Variants in PSMD11 observed in about 807,000 individuals in gnomAD.
PSMD11 encodes proteasome 26S subunit, non-ATPase 11.
A neutral mutation model predicts 62.3 loss-of-function variants in PSMD11; 5 were observed. The observed-to-expected ratio is 0.08, with a 90% confidence interval of 0.04 to 0.17. The LOEUF (loss-of-function observed/expected upper bound fraction) is 0.17, where lower values mean the gene tolerates loss of function less well. Among genes scored for constraint, PSMD11 ranks in the 10% least tolerant of loss-of-function variants. The pLI, the probability that PSMD11 is intolerant of heterozygous loss-of-function variation, is 1.00. For synonymous variants in PSMD11, 191 were observed against 191.8 expected (o/e 1.00, Z 0.03); for missense variants, 310 against 512.9 (o/e 0.60, Z 3.82).
intron 2 of PSMD11, among the ~76,000 whole-genome samples, chr17:32,451,253 G>T (rs769982382): frequency 6.6e-6 from 1 of 152,172 alleles, no homozygotes; most frequent in Non-Finnish European, 1.5e-5. Flanking sequence ...TGTTAGAAAG[G>T]CACACTGCTT....
chr17:32,464,912 G>T (rs1276293644), intron 5 of PSMD11, among the ~76,000 whole-genome samples: 3 of 151,958 alleles, frequency 2.0e-5, no homozygotes, highest in African/African-American at 7.2e-5. Flanking sequence ...TCAGATTTAG[G>T]TTTTTAAAGG....
chr17:32,474,081 G>A (rs1265789125), intron 7 of PSMD11, 136 bp downstream of exon 7: 16 of 1,044,816 alleles, frequency 1.5e-5, no homozygotes, highest in African/African-American at 3.2e-5. Context: ...GGCTGGCTAA[G>A]GTAGAGCGGG....
chr17:32,446,977 G>A lies in PSMD11; in HGVS notation c.124G>A (p.Ala42Thr). The stretch of plus-strand genomic sequence containing the variant: ...TGACATTCAGGAAAACGATGAAGAG[G>A]CAGTGCAAGTCAAAGAGCAGAGCAT... ...KRDIQENDEE[A>T]VQVKEQSILE... Residue 42 changes from alanine to threonine, a missense_variant, in exon 2 of 14, where the codon GCA becomes ACA. Coordinates refer to ENST00000261712, the MANE Select transcript of PSMD11 (RefSeq NM_002815.4). 1 of 1,612,760 alleles carries A rather than the reference G, an allele frequency of 6.2e-7. No individual in the cohort carries two copies. The highest frequency in any genetic ancestry group is 8.5e-7 in the Non-Finnish European group (1 of 1,179,454).
intron 2 of PSMD11, among the ~76,000 whole-genome samples, chr17:32,449,872 A>G (rs1031039712): frequency 1.3e-5 from 2 of 152,216 alleles, no homozygotes; most frequent in Non-Finnish European, 2.9e-5. Flanking sequence ...GCATTGTGCT[A>G]AGTATTCTAC....
Position 32,483,113 on chromosome 17 carries a change from T to C in PSMD11, c.*2361T>C, listed in dbSNP as rs1409320853. 3 of 152,312 alleles carry C rather than the reference T, an allele frequency of 2.0e-5. No homozygotes were observed. In the East Asian group the frequency reaches 5.8e-4, roughly 29 times the overall value. 9.4% of individuals were successfully genotyped at this position (152,312 alleles called of 1,614,324 possible). ...CCCTCTAGACCCGTGCTGTCCAATA[T>C]GTAGCCGCTAGCCATGTGCAGCTGT... On this transcript the variant is annotated 3_prime_UTR_variant, in exon 14 of 14. Coordinates refer to ENST00000261712, the MANE Select transcript of PSMD11 (RefSeq NM_002815.4).
In PSMD11 at chr17:32,482,474, G is replaced by A. The variant is rs1399646538; in HGVS notation, c.*1722G>A. On this transcript the variant is annotated 3_prime_UTR_variant, in exon 14 of 14. Transcript: ENST00000261712. ...GTCTAGCTCTCATCTGGCCAAAGCTGTTATCTCATTTGTGTAATGGGAGTC... is the reference window on the plus strand; with the variant it reads ...GTCTAGCTCTCATCTGGCCAAAGCTATTATCTCATTTGTGTAATGGGAGTC... 6.6e-6 allele frequency: 1 copy of A among 152,116 alleles called. No homozygotes were observed. Among genetic ancestry groups the A allele is most frequent in the East Asian group, 1.9e-4 (1 of 5,182 alleles). 9.4% of individuals were successfully genotyped at this position (152,116 alleles called of 1,614,324 possible). A position where few individuals can be genotyped will look rare whatever the true frequency, so the allele number is the denominator to read the frequency against.
At chr17:32,472,668 G>C (rs182798799) in intron 6 of PSMD11, among the ~76,000 whole-genome samples, 2 of 151,782 alleles carry the variant, frequency 1.3e-5, no homozygotes, top group African/African-American at 4.8e-5. Context: ...CTCCCAAGTA[G>C]CTGGGATTAC....
rs958679586 is a variant in PSMD11 at position 32,446,605 on chromosome 17, A to G, written c.92-340A>G. 2.6e-5 allele frequency among the ~76,000 whole-genome samples: 4 copies of G among 152,252 alleles called. No individual in the cohort carries two copies. The East Asian group carries it at 5.8e-4, about 22-fold the overall frequency. ...AGTGACTGGAACAGATCTTGGCACC[A>G]TAAGTATGAAGGATTTGTTTTGTTT... On this transcript the variant is annotated intron_variant, in intron 1 of 13. Coordinates refer to ENST00000261712, the MANE Select transcript of PSMD11 (RefSeq NM_002815.4).
chr17:32,483,069 G>T lies in PSMD11; in HGVS notation c.*2317G>T, dbSNP rs192408991. 1 of 152,136 alleles carries T rather than the reference G, an allele frequency of 6.6e-6. No individual in the cohort carries two copies. The highest frequency in any genetic ancestry group is 1.5e-5 in the Non-Finnish European group (1 of 68,044). 9.4% of individuals were successfully genotyped at this position (152,136 alleles called of 1,614,324 possible). A position where few individuals can be genotyped will look rare whatever the true frequency, so the allele number is the denominator to read the frequency against. On this transcript the variant is annotated 3_prime_UTR_variant, in exon 14 of 14. Transcript: ENST00000261712. ...TAGCCCTTTTCTCAGTTCCCTTTGC[G>T]GGTCTTGGTCAGATGATGCCCTCTA...
At chr17:32,466,121 G>A (rs907566237) in intron 5 of PSMD11, among the ~76,000 whole-genome samples, 1 of 152,130 alleles carries the variant, frequency 6.6e-6, no homozygotes, top group African/African-American at 2.4e-5. Context: ...TCGGCCTCCC[G>A]AATAGCAGAG....
At chr17:32,450,059 T>C (rs894738449) in intron 2 of PSMD11, among the ~76,000 whole-genome samples, 2 of 152,118 alleles carry the variant, frequency 1.3e-5, no homozygotes, top group Admixed American at 1.3e-4. Context: ...ATCTGTTGAG[T>C]TCTGTGAGGT....
Position 32,463,032 on chromosome 17 carries a change from A to G in PSMD11, c.319-1017A>G, listed in dbSNP as rs73274208. Among the ~76,000 whole-genome samples the G allele has an allele frequency of 1.4e-3, 213 of 152,342 alleles. 1 individual carries two copies. The highest frequency in any genetic ancestry group is 4.9e-3 in the African/African-American group (204 of 41,590). Reference sequence around the variant, plus strand: ...TTGGATTTATATAAAAACCTGTTGTATTAGCAATTAGTTCTCTGGAGAGCT... The same window carrying G: ...TTGGATTTATATAAAAACCTGTTGTGTTAGCAATTAGTTCTCTGGAGAGCT... On this transcript the variant is annotated intron_variant, in intron 3 of 13. Transcript: ENST00000261712.
chr17:32,475,632 T>G (rs1237113885), intron 8 of PSMD11, among the ~76,000 whole-genome samples: 1 of 151,056 alleles, frequency 6.6e-6, no homozygotes, highest in Non-Finnish European at 1.5e-5. Flanking sequence ...TGGAGTCTCA[T>G]TCTTTCATTC....
chr17:32,470,505 T>A (rs550928542), intron 6 of PSMD11, among the ~76,000 whole-genome samples: 1 of 152,114 alleles, frequency 6.6e-6, no homozygotes, highest in South Asian at 2.1e-4. Flanking sequence ...AGAGATGGGG[T>A]TTCACCATGT....
At chr17:32,468,302 G>C (rs541271684) in intron 5 of PSMD11, among the ~76,000 whole-genome samples, 1 of 151,666 alleles carries the variant, frequency 6.6e-6, no homozygotes, top group South Asian at 2.1e-4. Context: ...TTTTTCCTTC[G>C]ATGACGTCCT....
chr17:32,447,322 A>G (rs887371321), intron 2 of PSMD11: 2 of 293,400 alleles, frequency 6.8e-6, no homozygotes, highest in Non-Finnish European at 1.3e-5. Flanking sequence ...ATTCCCTTAC[A>G]TAGAGGCAGC....
chr17:32,480,092 G>C, intron 11 of PSMD11, 54 bp from the exon 12 acceptor site: 1 of 1,575,168 alleles, frequency 6.3e-7, no homozygotes, highest in Non-Finnish European at 8.7e-7. Flanking sequence ...ACTGTGTCAG[G>C]GTGATCTCTG....
chr17:32,444,541 G>T lies in PSMD11; in HGVS notation c.18G>T (p.Val6=), dbSNP rs749874693. The T allele has an allele frequency of 6.2e-7, 1 of 1,606,896 alleles. No individual in the cohort carries two copies. Among genetic ancestry groups the T allele is most frequent in the African/African-American group, 1.3e-5 (1 of 74,680 alleles). Reference sequence around the variant, plus strand: ...GCGGTAAGATGGCGGCGGCGGCGGTGGTGGAGTTCCAGAGAGCCCAGTCTC... The same window carrying T: ...GCGGTAAGATGGCGGCGGCGGCGGTTGTGGAGTTCCAGAGAGCCCAGTCTC... The part of the protein sequence containing the change: MAAAA[V]VEFQRAQSLL... The change falls in exon 1 of 14, where the codon GTG becomes GTT. Residue 6 remains valine, a synonymous_variant. Coordinates refer to ENST00000261712, the MANE Select transcript of PSMD11 (RefSeq NM_002815.4).
intron 5 of PSMD11, among the ~76,000 whole-genome samples, chr17:32,468,070 T>A (rs368156577): frequency 2.6e-5 from 4 of 152,336 alleles, no homozygotes; most frequent in South Asian, 4.1e-4. Context: ...TCTCTTCCTA[T>A]TTTAGTTTGC....
Sources: gnomAD v4.1 joint callset for allele counts (sites outside exome capture counted in the v4.1 genomes callset) on GRCh38, gnomAD v4.1.1 for gene constraint, MANE v1.5 for transcripts, NCBI Gene and HGNC (gene_info 2026-07-23, HGNC 2026-07-21) for gene names.